Variants in CTNND1 observed in about 807,000 individuals in gnomAD.
CTNND1 encodes the protein catenin delta-1.
Under a neutral mutation model 112.1 loss-of-function variants are expected in CTNND1, and 16 were observed. That is an observed-to-expected ratio of 0.14 (90% CI 0.10 to 0.22). The LOEUF is 0.22. CTNND1 is among the 10% of genes least tolerant of loss of function. The pLI is 1.00. For synonymous variants in CTNND1, 420 were observed against 446.5 expected (o/e 0.94, Z 0.75); for missense variants, 1,008 against 1,257.0 (o/e 0.80, Z 3.00).
chr11:57,774,691 G>GTTTA (rs111874552), intron 1 of CTNND1, among the ~76,000 whole-genome samples: 4,658 of 148,164 alleles, frequency 0.031, 133 homozygotes, highest in African/African-American at 0.071. Flanking sequence ...GTCTATGAGG[G>GTTTA]TTTATTTATT....
rs746969374 is a variant in CTNND1 at position 57,804,673 on chromosome 11, T to C, written c.1615T>C (p.Ser539Pro). The C allele has an allele frequency of 6.2e-7, 1 of 1,613,598 alleles. No homozygotes were observed. Among genetic ancestry groups the C allele is most frequent in the South Asian group, 1.1e-5 (1 of 91,040 alleles). ...CTGGTTTCCCCTCAGGAATGTAAGC[T>C]CAGAGAGGAGTGAAGCTCGCCGGAA... is the stretch of plus-strand genomic sequence containing the variant. ...NTAGCLRNVS[S>P]ERSEARRKLR... Residue 539 changes from serine (S) to proline (P), a missense_variant, in exon 9 of 21, where the codon TCA (serine) becomes CCA (proline). Ser to Pro is a moderately conservative substitution (Grantham distance 74, BLOSUM62 -1). Coordinates refer to ENST00000399050, the MANE Select transcript of CTNND1 (RefSeq NM_001085458.2).
At chr11:57,810,697 G>A (rs1306245998) in intron 16 of CTNND1, among the ~76,000 whole-genome samples, 1 of 151,950 alleles carries the variant, frequency 6.6e-6, no homozygotes, top group Non-Finnish European at 1.5e-5. Flanking sequence ...GCTCACACCT[G>A]TAATTCCAAC....
At chr11:57,797,018 A>C in intron 6 of CTNND1, 26 bp downstream of exon 6, 1 of 1,434,826 alleles carries the variant, frequency 7.0e-7, no homozygotes, top group South Asian at 1.8e-5. Flanking sequence ...GGAAGAGAAA[A>C]GGGTCTTTCC....
chr11:57,787,966 T>C (rs971073675), intron 1 of CTNND1, among the ~76,000 whole-genome samples: 2 of 152,254 alleles, frequency 1.3e-5, no homozygotes, highest in Non-Finnish European at 2.9e-5. Flanking sequence ...TGGCCATCTA[T>C]ACACTTTCTC....
intron 14 of CTNND1, 144 bp downstream of exon 14, chr11:57,808,684 G>A (rs1050742620): frequency 9.5e-6 from 7 of 734,228 alleles, no homozygotes; most frequent in African/African-American, 9.1e-5. Context: ...GCGAGAGTTG[G>A]TAAGGGTTTT....
chr11:57,780,056 CT>C (rs147896503), intron 1 of CTNND1, among the ~76,000 whole-genome samples: 18 of 31,818 alleles, frequency 5.7e-4, no homozygotes, highest in African/African-American at 1.2e-3. Context: ...ACTAGAATGA[CT>C]TTTTTTTTTT....
intron 2 of CTNND1, among the ~76,000 whole-genome samples, chr11:57,790,458 A>G (rs1403912663): frequency 8.7e-6 from 1 of 114,286 alleles, no homozygotes; most frequent in Admixed American, 8.8e-5. Context: ...ATCTTGGCTC[A>G]CTGCAACCTC....
At position 57,810,227 on chromosome 11, in the gene CTNND1, T is replaced by G. The variant is rs763215389; in HGVS notation, c.2550+4T>G. On this transcript the variant is annotated splice_donor_region_variant and intron_variant, in intron 16 of 20. Transcript: ENST00000399050. Reference sequence around the variant, plus strand: ...ATGGAAGAAATCAGACTTTCAGGTATAGTAACTTTTGAGACCAAGACTTTT... The same window carrying G: ...ATGGAAGAAATCAGACTTTCAGGTAGAGTAACTTTTGAGACCAAGACTTTT... The G allele has an allele frequency of 1.9e-6, 3 of 1,595,674 alleles. No individual in the cohort carries two copies. Among genetic ancestry groups the G allele is most frequent in the African/African-American group, 2.7e-5 (2 of 73,662 alleles).
At chr11:57,816,158 G>C (rs1232467771) in intron 20 of CTNND1, 139 bp from the exon 21 acceptor site, 2 of 1,207,814 alleles carry the variant, frequency 1.7e-6, no homozygotes, top group African/African-American at 3.0e-5. Context: ...TACCTCTTAC[G>C]AGTCTGGGAC....
At chr11:57,778,681 A>G (rs2059263666) in intron 1 of CTNND1, among the ~76,000 whole-genome samples, 1 of 152,206 alleles carries the variant, frequency 6.6e-6, no homozygotes, top group South Asian at 2.1e-4. Context: ...ATGCCCTGGA[A>G]TGCAGTTGGC....
At chr11:57,791,938 C>T (rs2060792947) in intron 3 of CTNND1, among the ~76,000 whole-genome samples, 1 of 152,108 alleles carries the variant, frequency 6.6e-6, no homozygotes, top group African/African-American at 2.4e-5. Flanking sequence ...GGCTACAATT[C>T]TAGTAATGGT....
chr11:57,781,226 C>T (rs959281886), intron 1 of CTNND1, among the ~76,000 whole-genome samples: 3 of 152,142 alleles, frequency 2.0e-5, no homozygotes, highest in Non-Finnish European at 2.9e-5. Context: ...CGTGAGCAAC[C>T]GCACCTGGCC....
intron 1 of CTNND1, among the ~76,000 whole-genome samples, chr11:57,775,904 C>T (rs1234572833): frequency 6.6e-6 from 1 of 152,170 alleles, no homozygotes; most frequent in Non-Finnish European, 1.5e-5. Flanking sequence ...TGAGTTTAGT[C>T]TGGGAAGCCT....
intron 4 of CTNND1, 132 bp downstream of exon 4, chr11:57,794,213 CG>C (rs2061090650): frequency 1.3e-6 from 1 of 760,710 alleles, no homozygotes; most frequent in African/African-American, 1.8e-5. Context: ...CTTTTATTTA[CG>C]AAAACAAAGA....
At chr11:57,776,070 G>T (rs1242130686) in intron 1 of CTNND1, among the ~76,000 whole-genome samples, 3 of 152,214 alleles carry the variant, frequency 2.0e-5, no homozygotes, top group African/African-American at 7.2e-5. Flanking sequence ...ATTGGGCAGA[G>T]GGGAGTGGAT....
At chr11:57,816,029 G>T in intron 20 of CTNND1, 28 bp downstream of exon 20, 1 of 1,533,294 alleles carries the variant, frequency 6.5e-7, no homozygotes, top group Non-Finnish European at 8.8e-7. Context: ...CCCCAAGATT[G>T]TTCTTGAGGA....
At chr11:57,768,300 A>C in intron 1 of CTNND1, among the ~76,000 whole-genome samples, 1 of 150,030 alleles carries the variant, frequency 6.7e-6, no homozygotes, top group Non-Finnish European at 1.5e-5. Flanking sequence ...AAACAACGGT[A>C]GTATGAGAAT....
intron 1 of CTNND1, among the ~76,000 whole-genome samples, chr11:57,779,331 C>T (rs559495817): frequency 6.6e-6 from 1 of 152,292 alleles, no homozygotes; most frequent in Non-Finnish European, 1.5e-5. Context: ...TTTTTCTTCC[C>T]TATGTCTAGA....
chr11:57,808,737 A>C (rs2062994687), intron 14 of CTNND1, among the ~76,000 whole-genome samples, 197 bp downstream of exon 14: 1 of 152,244 alleles, frequency 6.6e-6, no homozygotes, highest in South Asian at 2.1e-4. Context: ...CAACTCTTCA[A>C]AAATAAAATA....
Sources: gnomAD v4.1 joint callset for allele counts (sites outside exome capture counted in the v4.1 genomes callset) on GRCh38, gnomAD v4.1.1 for gene constraint, MANE v1.5 for transcripts, NCBI Gene and HGNC (gene_info 2026-07-23, HGNC 2026-07-21) for gene names.